Variants in PDCD5 observed in about 807,000 individuals in gnomAD.
The protein encoded by PDCD5 is programmed cell death 5, also known as programmed cell death protein 5.
A neutral mutation model predicts 21.9 loss-of-function variants in PDCD5; 23 were observed. The observed-to-expected ratio is 1.05, with a 90% CI of 0.76 to 1.49. The LOEUF is 1.49. Ranked by LOEUF, PDCD5 falls within the 40% of genes most tolerant of loss-of-function variation. The pLI, the probability that PDCD5 is intolerant of heterozygous loss-of-function variation, is 0.00. For synonymous variants in PDCD5, 45 were observed against 49.4 expected (o/e 0.91, Z 0.37); for missense variants, 152 against 147.7 (o/e 1.03, Z -0.15).
intron 1 of PDCD5, 74 bp downstream of exon 1, chr19:32,581,401 C>T (rs1170184296): frequency 4.7e-6 from 5 of 1,072,086 alleles, no homozygotes; most frequent in African/African-American, 1.7e-5. Flanking sequence ...GGCGCGCCTC[C>T]GGGGCGGAGG....
rs1259314515 is a variant in PDCD5, at chr19:32,586,945, T to C, written c.330+16T>C. ...AACAGTGAAAGTAAGTGTCCCCAGATGCTTGTGGCAAATGAAAAGATGGAT... is the reference window on the plus strand; with the variant it reads ...AACAGTGAAAGTAAGTGTCCCCAGACGCTTGTGGCAAATGAAAAGATGGAT... On this transcript the variant is annotated intron_variant, in intron 5 of 5. Transcript: ENST00000590247. 1 of 1,580,142 alleles carries C rather than the reference T, an allele frequency of 6.3e-7. No individual in the cohort carries two copies. The highest frequency in any genetic ancestry group is 2.2e-5 in the East Asian group (1 of 44,708).
chr19:32,586,919 C>G lies in PDCD5; in HGVS notation c.320C>G (p.Thr107Arg). The G allele has an allele frequency of 6.2e-7, 1 of 1,611,016 alleles. No homozygotes were observed. The highest frequency in any genetic ancestry group is 8.5e-7 in the Non-Finnish European group (1 of 1,178,258). The change falls in exon 5 of 6, where the codon ACA becomes AGA. Residue 107 changes from threonine to arginine, a missense_variant. By Grantham distance (71) the Thr-to-Arg change is moderately conservative (BLOSUM62 -1). Transcript: ENST00000590247. ...GTAAGCCAACAAACAGAAAAGACAA[C>G]AACAGTGAAAGTAAGTGTCCCCAGA... ...KKVSQQTEKT[T>R]TVKFNRRKVM...
intron 1 of PDCD5, chr19:32,581,683 C>T (rs1290709647): frequency 4.5e-6 from 1 of 224,158 alleles, no homozygotes; most frequent in African/African-American, 2.3e-5. Context: ...GTTGTTATGA[C>T]CCAAGTTTAG....
chr19:32,586,151 G>A (rs1971474352), intron 4 of PDCD5: 1 of 1,473,468 alleles, frequency 6.8e-7, no homozygotes, highest in African/African-American at 1.4e-5. Context: ...TGACTGTTAG[G>A]GTCAGCTAGC....
rs1971435633 is a variant in PDCD5, at chr19:32,582,247, C to T, written c.104+15C>T. 2 of 1,607,534 alleles carry T rather than the reference C, an allele frequency of 1.2e-6. No homozygotes were observed. The highest frequency in any genetic ancestry group is 1.3e-5 in the African/African-American group (1 of 74,806). On this transcript the variant is annotated intron_variant, in intron 2 of 5. Transcript: ENST00000590247. ...GCAAAGCACAGGTATGGGCTGGAAA[C>T]GTGAACTTTTTGAAGGGTGGTTTCA... is the stretch of plus-strand genomic sequence containing the variant.
Position 32,581,260 on chromosome 19 carries a change from C to A in PDCD5, c.-2C>A. On this transcript the variant is annotated 5_prime_UTR_variant, in exon 1 of 6. Coordinates refer to ENST00000590247, the MANE Select transcript of PDCD5 (RefSeq NM_004708.4). ...CGGCTGCTCCAGCGCTGACGCCGAG[C>A]CATGGCGGACGAGGAGCTTGAGGCG... 1 of 1,511,576 alleles carries A rather than the reference C, an allele frequency of 6.6e-7. No individual in the cohort carries two copies. The highest frequency in any genetic ancestry group is 8.8e-7 in the Non-Finnish European group (1 of 1,131,982). The allele number at this position is 1,511,576 out of a possible 1,614,324, so 93.6% of individuals were successfully genotyped here. A position where few individuals can be genotyped will look rare whatever the true frequency, so the allele number is the denominator to read the frequency against.
rs777119087 is a variant in PDCD5, at chr19:32,587,332, G to C, written c.*32G>C. 18 of 1,485,336 alleles carry C rather than the reference G, an allele frequency of 1.2e-5. No individual in the cohort carries two copies. The highest frequency in any genetic ancestry group is 1.5e-5 in the Non-Finnish European group (16 of 1,066,126). The allele number at this position is 1,485,336 out of a possible 1,614,324, so 92.0% of individuals were successfully genotyped here. On this transcript the variant is annotated 3_prime_UTR_variant, in exon 6 of 6. Coordinates refer to ENST00000590247, the MANE Select transcript of PDCD5 (RefSeq NM_004708.4). ...AGTGCTCACAGACTAGAACTTAACGGAACAAGTCTAGGACAGAAGTTAAGA... is the reference window on the plus strand; with the variant it reads ...AGTGCTCACAGACTAGAACTTAACGCAACAAGTCTAGGACAGAAGTTAAGA...
intron 2 of PDCD5, among the ~76,000 whole-genome samples, chr19:32,583,512 G>C (rs1971448993): frequency 6.7e-6 from 1 of 149,844 alleles, no homozygotes; most frequent in African/African-American, 2.5e-5. Flanking sequence ...CAAACTCCTG[G>C]CTTCAAGTGA....
At chr19:32,584,809 A>G (rs1020597355) in intron 2 of PDCD5, 141 bp from the exon 3 acceptor site, 9 of 706,374 alleles carry the variant, frequency 1.3e-5, no homozygotes, top group Middle Eastern at 2.7e-4. Context: ...CTGCAGCCTT[A>G]TGTACAGCAA....
At chr19:32,582,316 G>A (rs1283560409) in intron 2 of PDCD5, 84 bp downstream of exon 2, 8 of 1,240,488 alleles carry the variant, frequency 6.4e-6, no homozygotes, top group Non-Finnish European at 8.2e-6. Context: ...GCAGGTGTGT[G>A]ACTCAGATTT....
At chr19:32,587,023 G>A in intron 5 of PDCD5, 94 bp downstream of exon 5, 7 of 1,156,714 alleles carry the variant, frequency 6.1e-6, no homozygotes, top group Non-Finnish European at 8.8e-6. Flanking sequence ...TTTCAGCCCA[G>A]AGACATTTTC....
intron 4 of PDCD5, 152 bp from the exon 5 acceptor site, chr19:32,586,706 A>G (rs1971480167): frequency 7.3e-7 from 1 of 1,362,812 alleles, no homozygotes; most frequent in Admixed American, 3.6e-5. Flanking sequence ...ACCAATAGTT[A>G]TAACCAATAG....
At chr19:32,581,864 C>G (rs1453055342) in intron 1 of PDCD5, among the ~76,000 whole-genome samples, 1 of 152,164 alleles carries the variant, frequency 6.6e-6, no homozygotes, top group African/African-American at 2.4e-5. Flanking sequence ...ACGGAGGGCG[C>G]AGTCTTTGAG....
In PDCD5 at chr19:32,581,209, G is replaced by C; in HGVS notation, c.-53G>C. 2.2e-6 allele frequency: 3 copies of C among 1,357,092 alleles called. No individual in the cohort carries two copies. The highest frequency in any genetic ancestry group is 2.9e-6 in the Non-Finnish European group (3 of 1,022,458). 84.1% of individuals were successfully genotyped at this position (1,357,092 alleles called of 1,614,324 possible). A position where few individuals can be genotyped will look rare whatever the true frequency, so the allele number is the denominator to read the frequency against. ...CTGCGCAGTGGTCAAGGCCGCGCTC[G>C]CGCCGAGGGGCTGCGAGAGTGACCG... On this transcript the variant is annotated 5_prime_UTR_variant, in exon 1 of 6. Transcript: ENST00000590247.
chr19:32,584,853 A>G, intron 2 of PDCD5, 97 bp from the exon 3 acceptor site: 1 of 899,776 alleles, frequency 1.1e-6, no homozygotes, highest in Admixed American at 1.7e-5. Context: ...CGCAGGCCCC[A>G]TGTGGAGACA....
intron 2 of PDCD5, among the ~76,000 whole-genome samples, chr19:32,582,834 CCTT>C (rs1214977578): frequency 6.6e-6 from 1 of 152,186 alleles, no homozygotes; most frequent in Non-Finnish European, 1.5e-5. Context: ...CCCTTCCTCA[CCTT>C]CTTACTCCTC....
At position 32,585,892 on chromosome 19, in the gene PDCD5, A is replaced by G. The variant is rs765328527; in HGVS notation, c.243A>G (p.Gly81=). The G allele has an allele frequency of 8.1e-6, 13 of 1,612,022 alleles. No individual in the cohort carries two copies. Among genetic ancestry groups the G allele is most frequent in the African/African-American group, 1.3e-5 (1 of 74,994 alleles). ...ENYLIQMARY[G]QLSEKVSEQG... is the part of the protein sequence containing the mutation. Reference sequence around the variant, plus strand: ...ACCTTATACAGATGGCAAGATATGGACAACTAAGTGAGAAGGTAAGCTTAG... The same window carrying G: ...ACCTTATACAGATGGCAAGATATGGGCAACTAAGTGAGAAGGTAAGCTTAG... The change falls in exon 4 of 6, where the codon GGA becomes GGG. Residue 81 remains glycine, a synonymous_variant. Transcript: ENST00000590247.
chr19:32,581,794 A>G, intron 1 of PDCD5: 1 of 218,726 alleles, frequency 4.6e-6, no homozygotes, highest in Non-Finnish European at 8.9e-6. Context: ...GCCGCCTGGG[A>G]AGCTTGGATG....
intron 2 of PDCD5, 68 bp downstream of exon 2, chr19:32,582,300 T>G (rs974936196): frequency 9.4e-6 from 13 of 1,383,386 alleles, no homozygotes; most frequent in Non-Finnish European, 1.3e-5. Context: ...GCTGTAGTTA[T>G]TTTAAGCAGG....
Sources: gnomAD v4.1 joint callset for allele counts (sites outside exome capture counted in the v4.1 genomes callset) on GRCh38, gnomAD v4.1.1 for gene constraint, MANE v1.5 for transcripts, NCBI Gene and HGNC (gene_info 2026-07-23, HGNC 2026-07-21) for gene names.